The following SCML1 variants were observed in gnomAD, a reference collection of about 807,000 sequenced individuals.
The protein encoded by SCML1 is Scm polycomb group protein like 1.
For synonymous variants in SCML1, 104 were observed against 103.6 expected (o/e 1.00, Z -0.02); for missense variants, 137 against 258.1 (o/e 0.53, Z 3.22).
intron 4 of SCML1, among the ~76,000 whole-genome samples, chrX:17,747,534 A>G (rs967328031): frequency 2.7e-5 from 3 of 111,449 alleles, no homozygotes; most frequent in Admixed American, 9.5e-5. Context: ...TGTTCCTTCT[A>G]TGCTGTAAGC....
At chrX:17,739,666 T>G (rs1395567971) in intron 1 of SCML1, among the ~76,000 whole-genome samples, 1 of 109,278 alleles carries the variant, frequency 9.2e-6, no homozygotes, top group Non-Finnish European at 1.9e-5. Context: ...CTGGCCAACA[T>G]GGTGAAACCC....
Position 17,749,910 on chromosome X carries a change from A to G in SCML1, c.320A>G (p.Lys107Arg). Reference protein sequence around the residue: ...LWTNHKRYGYKKHSYRLVKKL... With the variant: ...LWTNHKRYGYRKHSYRLVKKL... ...TGATTTCAGAAGCGATATGGATATA[A>G]AAAGCATTCTTACCGGCTTGTTAAA... Residue 107 changes from lysine (K) to arginine (R), a missense_variant, in exon 6 of 8, where the codon AAA becomes AGA. Physicochemically the swap from Lys to Arg is conservative, Grantham distance 26 (BLOSUM62 2). Transcript: ENST00000380041. 1.7e-6 allele frequency: 2 copies of G among 1,208,546 alleles called. No homozygotes were observed. Among genetic ancestry groups the G allele is most frequent in the Non-Finnish European group, 2.2e-6 (2 of 893,652 alleles).
At chrX:17,740,687 A>G (rs1463530853) in intron 1 of SCML1, among the ~76,000 whole-genome samples, 1 of 111,930 alleles carries the variant, frequency 8.9e-6, no homozygotes, top group African/African-American at 3.3e-5. Flanking sequence ...TGTGAGTGTT[A>G]TTGTAGTTCA....
rs1221281167 is a variant in SCML1 at position 17,754,946 on chromosome X, A to G, written c.*1554A>G. On this transcript the variant is annotated 3_prime_UTR_variant, in exon 8 of 8. Coordinates refer to ENST00000380041, the MANE Select transcript of SCML1 (RefSeq NM_001037540.3). ...ATAAATACTATGTTTTACAGTTTTC[A>G]TATTTTAAAATATTAATAAAGTTAA... The G allele has an allele frequency of 8.9e-6, 1 of 112,960 alleles. No individual in the cohort carries two copies. The highest frequency in any genetic ancestry group is 1.9e-5 in the Non-Finnish European group (1 of 53,371). 9.3% of individuals were successfully genotyped at this position (112,960 alleles called of 1,213,427 possible).
upstream of SCML1, among the ~76,000 whole-genome samples, chrX:17,737,297 G>A (rs1601867201): frequency 1.2e-5 from 1 of 85,657 alleles, no homozygotes; most frequent in African/African-American, 4.5e-5. Context: ...CCTCGGCCCC[G>A]CCCCACAGCC....
chrX:17,738,316 C>T lies in SCML1; in HGVS notation c.-117+636C>T, dbSNP rs186631221. Among the ~76,000 whole-genome samples, 663 of 112,277 alleles carry T rather than the reference C, an allele frequency of 5.9e-3. 1 individual carries two copies. The highest frequency in any genetic ancestry group is 8.6e-3 in the Non-Finnish European group (458 of 53,205). ...CCGCGTGGTCGTTAACAGGAAAGGC[C>T]CTGATTTGGTTGGTGGCGGATCGCG... On this transcript the variant is annotated intron_variant, in intron 1 of 7. Transcript: ENST00000380041.
chrX:17,743,672 C>T (rs899529438), intron 1 of SCML1, among the ~76,000 whole-genome samples: 2 of 111,276 alleles, frequency 1.8e-5, no homozygotes, highest in African/African-American at 3.3e-5. Context: ...CCCACATAGT[C>T]GGGGGGGACC....
intron 4 of SCML1, among the ~76,000 whole-genome samples, chrX:17,748,604 T>C (rs1167594791): frequency 1.8e-5 from 2 of 112,101 alleles, no homozygotes; most frequent in Admixed American, 9.4e-5. Flanking sequence ...AGTGAATGAA[T>C]GAATGAATGA....
intron 3 of SCML1, 67 bp from the exon 4 acceptor site, chrX:17,745,951 C>G (rs895063557): frequency 2.6e-5 from 16 of 611,925 alleles, no homozygotes; most frequent in African/African-American, 1.6e-4. Context: ...ATAGCTCCCC[C>G]CTGCCCCCAG....
At chrX:17,751,038 ATCTCAGTTATTTTTTAAACATATAAAC>A (rs2066702969) in intron 6 of SCML1, among the ~76,000 whole-genome samples, 1 of 112,560 alleles carries the variant, frequency 8.9e-6, no homozygotes, top group Admixed American at 9.4e-5. Context: ...ACTGTCTCAT[ATCTCAGTTATTTTTTAAACATATAAAC>A]CTTTGACCAA....
At chrX:17,745,941 A>G (rs759089781) in intron 3 of SCML1, 77 bp from the exon 4 acceptor site, 1 of 528,266 alleles carries the variant, frequency 1.9e-6, no homozygotes, top group East Asian at 3.7e-5. Context: ...ATAAATAAAT[A>G]TAGCTCCCCC....
At chrX:17,752,359 C>A (rs1003227425) in intron 7 of SCML1, among the ~76,000 whole-genome samples, 11 of 112,169 alleles carry the variant, frequency 9.8e-5, no homozygotes, top group African/African-American at 3.6e-4. Context: ...AGTGATTCAA[C>A]AACTGATTCC....
At chrX:17,737,265 T>C (rs771255109), upstream of SCML1, among the ~76,000 whole-genome samples, 13 of 52,685 alleles carry the variant, frequency 2.5e-4, no homozygotes, top group South Asian at 1.0e-3. Flanking sequence ...GCCCCACAGC[T>C]ATCTCCTCAG....
At chrX:17,752,587 T>C (rs2066722023) in intron 7 of SCML1, among the ~76,000 whole-genome samples, 1 of 112,477 alleles carries the variant, frequency 8.9e-6, no homozygotes, top group African/African-American at 3.2e-5. Flanking sequence ...TAAAATTTTA[T>C]TTTTTAACTG....
chrX:17,752,722 A>G (rs1165549853), intron 7 of SCML1, among the ~76,000 whole-genome samples: 1 of 112,135 alleles, frequency 8.9e-6, no homozygotes, highest in South Asian at 3.7e-4. Context: ...TGTCCTAACA[A>G]AATTAGTAGC....
intron 1 of SCML1, among the ~76,000 whole-genome samples, chrX:17,740,504 C>T (rs919802173): frequency 2.1e-5 from 2 of 95,541 alleles, no homozygotes; most frequent in Non-Finnish European, 4.3e-5. Flanking sequence ...ATTTTACAGA[C>T]AAAAAAAAAA....
intron 3 of SCML1, 87 bp downstream of exon 3, chrX:17,745,626 G>A (rs1401800610): frequency 4.1e-5 from 20 of 493,462 alleles, no homozygotes; most frequent in South Asian, 3.4e-4. Flanking sequence ...TGGAGTTCCC[G>A]TAAACTCACA....
chrX:17,746,222 C>A (rs1311999435), intron 4 of SCML1, 124 bp downstream of exon 4: 1 of 376,825 alleles, frequency 2.7e-6, no homozygotes, highest in Non-Finnish European at 4.7e-6. Context: ...TTATGATTAT[C>A]ATCCCATTGT....
chrX:17,741,271 G>A (rs751937403), intron 1 of SCML1, among the ~76,000 whole-genome samples: 89 of 111,863 alleles, frequency 8.0e-4, no homozygotes, highest in African/African-American at 2.6e-3. Flanking sequence ...GCTCCTGTGC[G>A]AATCTAATAC....
Sources: gnomAD v4.1 joint callset for allele counts (sites outside exome capture counted in the v4.1 genomes callset) on GRCh38, gnomAD v4.1.1 for gene constraint, MANE v1.5 for transcripts, NCBI Gene and HGNC (gene_info 2026-07-23, HGNC 2026-07-21) for gene names.